Variants in PBK observed in about 807,000 individuals in gnomAD.
PBK encodes the protein PDZ binding kinase.
In PBK, 22 loss-of-function variants were observed where a neutral mutation model predicts 33.5. The observed-to-expected ratio is 0.66, with a 90% CI of 0.47 to 0.94. The LOEUF is 0.94. PBK is among the 40% of genes least tolerant of loss of function. PBK has a pLI of 0.00. For synonymous variants in PBK, 129 were observed against 123.8 expected, an observed-to-expected ratio of 1.04 and a Z score of -0.28; for missense variants, 376 against 383.4, an observed-to-expected ratio of 0.98 and a Z score of 0.16.
intron 1 of PBK, among the ~76,000 whole-genome samples, chr8:27,835,771 A>T (rs1806216323): frequency 1.3e-5 from 2 of 152,174 alleles, no homozygotes; most frequent in Admixed American, 1.3e-4. Flanking sequence ...GGCTGGCCTC[A>T]AACGTGACCT....
intron 1 of PBK, among the ~76,000 whole-genome samples, chr8:27,837,036 C>T (rs541353): frequency 6.6e-6 from 1 of 151,946 alleles, no homozygotes; most frequent in East Asian, 1.9e-4. Flanking sequence ...CATACTAATT[C>T]TAAATCACAA....
intron 1 of PBK, 62 bp downstream of exon 1, chr8:27,837,590 G>C (rs1279697102): frequency 6.6e-6 from 1 of 152,178 alleles, no homozygotes; most frequent in African/African-American, 2.4e-5. Context: ...GAAAGCCCCC[G>C]CAGAGGCCTC....
At chr8:27,821,149 A>G (rs1216445663) in intron 5 of PBK, among the ~76,000 whole-genome samples, 1 of 152,132 alleles carries the variant, frequency 6.6e-6, no homozygotes, top group Non-Finnish European at 1.5e-5. Context: ...TTGAAACAAG[A>G]GAAGGGAACA....
chr8:27,833,505 G>A (rs1392671833), intron 1 of PBK, among the ~76,000 whole-genome samples: 12 of 139,418 alleles, frequency 8.6e-5, no homozygotes, highest in Non-Finnish European at 1.8e-4. Flanking sequence ...GCAAAACTCC[G>A]TCTCAAAAAA....
At chr8:27,833,005 C>G in intron 2 of PBK, 51 bp downstream of exon 2, 1 of 1,067,248 alleles carries the variant, frequency 9.4e-7, no homozygotes, top group Non-Finnish European at 1.4e-6. Flanking sequence ...TAGGACATTT[C>G]TAAGAGAAAC....
At chr8:27,813,517 A>AATT (rs1169936361) in intron 6 of PBK, among the ~76,000 whole-genome samples, 11 of 152,140 alleles carry the variant, frequency 7.2e-5, no homozygotes, top group Non-Finnish European at 1.5e-4. Context: ...ATAATTAACA[A>AATT]ATTATATATG....
In PBK at chr8:27,810,460, A is replaced by G; in HGVS notation, c.814T>C (p.Tyr272His). 6.2e-7 allele frequency: 1 copy of G among 1,606,816 alleles called. No homozygotes were observed. The highest frequency in any genetic ancestry group is 8.5e-7 in the Non-Finnish European group (1 of 1,175,172). ...DESDFDDEAY[Y>H]AALGTRPPIN... is the part of the protein sequence containing the mutation. ...GGTGGCCTAGTTCCCAACGCTGCAT[A>G]GTATGCTTCATCATCAAAATCACTT... is the stretch of plus-strand genomic sequence containing the variant. Residue 272 changes from tyrosine (Y) to histidine (H), a missense_variant, in exon 8 of 8, where the codon TAT becomes CAT. Physicochemically the swap from Tyr to His is moderately conservative, Grantham distance 83. Transcript: ENST00000301905.
At chr8:27,833,765 C>A (rs180950802) in intron 1 of PBK, among the ~76,000 whole-genome samples, 26 of 151,922 alleles carry the variant, frequency 1.7e-4, no homozygotes, top group Non-Finnish European at 1.2e-4. Flanking sequence ...CCCTGTTATA[C>A]TTCCCAGGAG....
At chr8:27,823,687 T>C (rs950398367) in intron 3 of PBK, among the ~76,000 whole-genome samples, 1 of 152,048 alleles carries the variant, frequency 6.6e-6, no homozygotes, top group Non-Finnish European at 1.5e-5. Context: ...CACTGACCAA[T>C]TCACCTTATA....
chr8:27,827,254 G>A (rs976661382), intron 3 of PBK, among the ~76,000 whole-genome samples: 4 of 152,192 alleles, frequency 2.6e-5, no homozygotes, highest in Non-Finnish European at 5.9e-5. Context: ...ATGATTAAAA[G>A]AAGTAATTTT....
intron 3 of PBK, among the ~76,000 whole-genome samples, chr8:27,823,569 G>C (rs747061966): frequency 4.0e-5 from 6 of 151,850 alleles, no homozygotes; most frequent in Admixed American, 3.9e-4. Context: ...ATGAGTTATA[G>C]GATCCTGAAG....
chr8:27,825,617 G>C (rs1279034568), intron 3 of PBK, among the ~76,000 whole-genome samples: 1 of 151,974 alleles, frequency 6.6e-6, no homozygotes, highest in Non-Finnish European at 1.5e-5. Flanking sequence ...ACAGAAGCAG[G>C]TTAATAATTA....
intron 2 of PBK, among the ~76,000 whole-genome samples, chr8:27,830,588 A>G (rs2128965336): frequency 6.6e-6 from 1 of 152,378 alleles, no homozygotes; most frequent in African/African-American, 2.4e-5. Context: ...GGAAATGTCT[A>G]TATCTGTGCT....
rs1805668388 is a variant in PBK at position 27,810,984 on chromosome 8, TTAA to T, written c.743_745del (p.Ile248del). Reference sequence around the variant, plus strand: ...TTCATCATCATCATCATTTGAAAGATTAATGTGTGGAATCGATAAAGTCATCAT... The same window carrying T: ...TTCATCATCATCATCATTTGAAAGATTGTGTGGAATCGATAAAGTCATCAT... On this transcript the variant is annotated inframe_deletion, in exon 7 of 8. Transcript: ENST00000301905. 3.1e-6 allele frequency: 5 copies of T among 1,607,426 alleles called. No homozygotes were observed. In the South Asian group the frequency reaches 5.5e-5, roughly 18 times the overall value.
chr8:27,817,719 A>T (rs1210161769), intron 6 of PBK, among the ~76,000 whole-genome samples: 1 of 152,286 alleles, frequency 6.6e-6, no homozygotes, highest in Admixed American at 6.5e-5. Context: ...AAAGGGCATA[A>T]ACATTTTTAA....
chr8:27,836,566 G>C (rs1226184294), intron 1 of PBK, among the ~76,000 whole-genome samples: 1 of 151,882 alleles, frequency 6.6e-6, no homozygotes, highest in Non-Finnish European at 1.5e-5. Flanking sequence ...GTGAGCCCTA[G>C]GGCATCCAAG....
In PBK at chr8:27,820,554, G is replaced by T; in HGVS notation, c.595+11C>A. 1 of 1,525,374 alleles carries T rather than the reference G, an allele frequency of 6.6e-7. No homozygotes were observed. The highest frequency in any genetic ancestry group is 8.9e-7 in the Non-Finnish European group (1 of 1,119,370). 94.5% of individuals were successfully genotyped at this position (1,525,374 alleles called of 1,614,324 possible). On this transcript the variant is annotated intron_variant, in intron 6 of 7. Transcript: ENST00000301905. ...AAAAACAAAATTTTAAAACTTAAGAGTACAACTTACCAGTCATATTTTCAT... is the reference window on the plus strand; with the variant it reads ...AAAAACAAAATTTTAAAACTTAAGATTACAACTTACCAGTCATATTTTCAT...
chr8:27,826,907 GA>G (rs35038811), intron 3 of PBK, among the ~76,000 whole-genome samples: 39,240 of 151,586 alleles, frequency 0.26, 6,118 homozygotes, highest in Middle Eastern at 0.36. Context: ...TAAAAAGGGG[GA>G]AAAAAATGAA....
At chr8:27,828,604 A>C (rs1353483019) in intron 2 of PBK, among the ~76,000 whole-genome samples, 1 of 151,832 alleles carries the variant, frequency 6.6e-6, no homozygotes, top group Non-Finnish European at 1.5e-5. Flanking sequence ...CTACACACGA[A>C]AAAATTTTTT....
Sources: gnomAD v4.1 joint callset for allele counts (sites outside exome capture counted in the v4.1 genomes callset) on GRCh38, gnomAD v4.1.1 for gene constraint, MANE v1.5 for transcripts, NCBI Gene and HGNC (gene_info 2026-07-23, HGNC 2026-07-21) for gene names.